SESTD1: variants seen among roughly 807,000 people sequenced by gnomAD.
The protein encoded by SESTD1 is SEC14 domain and spectrin repeat-containing protein 1.
A neutral mutation model predicts 101.7 loss-of-function variants in SESTD1; 43 were observed. The observed-to-expected ratio is 0.42, with a 90% CI of 0.33 to 0.55. SESTD1 has a LOEUF of 0.55. Ranked by LOEUF, SESTD1 falls within the 20% of genes least tolerant of loss-of-function variation. SESTD1 has a pLI of 0.07. For synonymous variants in SESTD1, 283 were observed against 286.8 expected (o/e 0.99, Z 0.13); for missense variants, 647 against 815.1 (o/e 0.79, Z 2.51).
intron 1 of SESTD1, among the ~76,000 whole-genome samples, chr2:179,194,583 A>C (rs890163363): frequency 6.6e-6 from 1 of 152,014 alleles, no homozygotes; most frequent in African/African-American, 2.4e-5. Context: ...TGAAGTGCAT[A>C]CCCCAAACCC....
intron 1 of SESTD1, among the ~76,000 whole-genome samples, chr2:179,197,134 A>G (rs1159065056): frequency 1.3e-5 from 2 of 152,178 alleles, no homozygotes; most frequent in Admixed American, 1.3e-4. Context: ...GGAGCTGAAA[A>G]CCAAGGCTCG....
intron 1 of SESTD1, among the ~76,000 whole-genome samples, chr2:179,230,337 T>C (rs2046968996): frequency 6.6e-6 from 1 of 151,808 alleles, no homozygotes; most frequent in Admixed American, 6.6e-5. Flanking sequence ...AGTTTTGTCA[T>C]GTTGCCCAGG....
intron 1 of SESTD1, among the ~76,000 whole-genome samples, chr2:179,222,513 A>C (rs2046829213): frequency 6.6e-6 from 1 of 152,136 alleles, no homozygotes; most frequent in African/African-American, 2.4e-5. Flanking sequence ...GCCACCGTGA[A>C]AGCATTCCCA....
chr2:179,154,082 A>C (rs1475720149), intron 5 of SESTD1, among the ~76,000 whole-genome samples: 1 of 147,352 alleles, frequency 6.8e-6, no homozygotes, highest in Non-Finnish European at 1.5e-5. Flanking sequence ...AATCTCTACA[A>C]AAAAAAAAAA....
At chr2:179,235,800 C>T (rs2047057753) in intron 1 of SESTD1, among the ~76,000 whole-genome samples, 1 of 152,102 alleles carries the variant, frequency 6.6e-6, no homozygotes, top group Non-Finnish European at 1.5e-5. Context: ...ATCCTCCTGC[C>T]TCTCTCTCCA....
chr2:179,128,453 G>A (rs1486512950), intron 10 of SESTD1, among the ~76,000 whole-genome samples: 3 of 152,104 alleles, frequency 2.0e-5, no homozygotes, highest in Non-Finnish European at 4.4e-5. Flanking sequence ...ATGTACGGCC[G>A]GGCACAGTGG....
chr2:179,204,876 C>T (rs2046570041), intron 1 of SESTD1, among the ~76,000 whole-genome samples: 1 of 133,154 alleles, frequency 7.5e-6, no homozygotes, highest in Admixed American at 7.3e-5. Flanking sequence ...TGGGATGTTC[C>T]CCCAGAAAAA....
At chr2:179,240,088 T>C (rs2047128504) in intron 1 of SESTD1, among the ~76,000 whole-genome samples, 2 of 152,102 alleles carry the variant, frequency 1.3e-5, no homozygotes, top group Admixed American at 6.5e-5. Context: ...GAAGAACAAA[T>C]TGATCAAGGT....
intron 9 of SESTD1, among the ~76,000 whole-genome samples, chr2:179,140,061 G>A (rs554587978): frequency 1.2e-4 from 19 of 152,192 alleles, no homozygotes; most frequent in African/African-American, 4.3e-4. Flanking sequence ...CTTTGATTCC[G>A]TTTACGTCCA....
intron 1 of SESTD1, among the ~76,000 whole-genome samples, chr2:179,196,657 C>A (rs550976857): frequency 5.9e-5 from 9 of 152,286 alleles, no homozygotes; most frequent in East Asian, 1.9e-4. Context: ...ACCCCTGACC[C>A]CCGAGCAGCC....
chr2:179,102,458 CAA>C lies in SESTD1; in HGVS notation c.*7439_*7440del, dbSNP rs1270431436. The stretch of plus-strand genomic sequence containing the variant: ...ATGAACAACTTTTATTAACAGAAAT[CAA>C]ACTTATTGTCCAAAGTGACAATATA... On this transcript the variant is annotated 3_prime_UTR_variant, in exon 18 of 18. Transcript: ENST00000428443. 4 of 152,070 alleles carry C rather than the reference CAA, an allele frequency of 2.6e-5. No individual in the cohort carries two copies. The highest frequency in any genetic ancestry group is 2.6e-4 in the Admixed American group (4 of 15,246). 9.4% of individuals were successfully genotyped at this position (152,070 alleles called of 1,614,324 possible).
intron 15 of SESTD1, among the ~76,000 whole-genome samples, chr2:179,116,028 CT>C (rs1657928790): frequency 6.6e-6 from 1 of 152,048 alleles, no homozygotes; most frequent in African/African-American, 2.4e-5. Context: ...AATCCCAGCA[CT>C]TTGGGAGGCC....
rs1296390118 is a variant in SESTD1 at position 179,109,575 on chromosome 2, T to G, written c.*324A>C. 1.0e-5 allele frequency: 4 copies of G among 399,112 alleles called. No individual in the cohort carries two copies. The highest frequency in any genetic ancestry group is 8.2e-5 in the African/African-American group (4 of 48,634). The allele number at this position is 399,112 out of a possible 1,614,324, so 24.7% of individuals were successfully genotyped here. On this transcript the variant is annotated 3_prime_UTR_variant, in exon 18 of 18. Transcript: ENST00000428443. ...TTTTTTTCTTTTTAATAGAGAGAAT[T>G]CCTACTCTTATTAGCACCATTCAAA...
intron 1 of SESTD1, among the ~76,000 whole-genome samples, chr2:179,241,149 T>A (rs2047146960): frequency 6.6e-6 from 1 of 152,036 alleles, no homozygotes; most frequent in Non-Finnish European, 1.5e-5. Context: ...TAGAATATAG[T>A]AGAAGTTGCA....
At chr2:179,168,209 T>C (rs2045869432) in intron 5 of SESTD1, among the ~76,000 whole-genome samples, 1 of 152,128 alleles carries the variant, frequency 6.6e-6, no homozygotes, top group African/African-American at 2.4e-5. Flanking sequence ...CTCAAGACAA[T>C]GAGAATGGAG....
At chr2:179,196,350 C>G (rs1382720091) in intron 1 of SESTD1, among the ~76,000 whole-genome samples, 5 of 152,232 alleles carry the variant, frequency 3.3e-5, no homozygotes, top group Non-Finnish European at 5.9e-5. Context: ...AGTCTGAGAT[C>G]AAACTGCAAG....
intron 1 of SESTD1, among the ~76,000 whole-genome samples, chr2:179,201,645 T>C (rs1255760827): frequency 3.3e-5 from 4 of 123,010 alleles, no homozygotes; most frequent in Non-Finnish European, 5.1e-5. Context: ...AAATTGGAAA[T>C]CATCATTCTC....
intron 1 of SESTD1, among the ~76,000 whole-genome samples, chr2:179,257,871 C>T (rs539287197): frequency 2.0e-5 from 3 of 152,188 alleles, no homozygotes; most frequent in East Asian, 1.9e-4. Context: ...ACAGTAATTT[C>T]GTATAGCAAA....
chr2:179,120,870 G>A (rs1016906583), intron 13 of SESTD1, among the ~76,000 whole-genome samples: 2 of 152,194 alleles, frequency 1.3e-5, no homozygotes, highest in African/African-American at 4.8e-5. Context: ...GTACCCATAT[G>A]TGTGATTATT....
Sources: gnomAD v4.1 joint callset for allele counts (sites outside exome capture counted in the v4.1 genomes callset) on GRCh38, gnomAD v4.1.1 for gene constraint, MANE v1.5 for transcripts, NCBI Gene and HGNC (gene_info 2026-07-23, HGNC 2026-07-21) for gene names.